FAF1: variants seen among roughly 807,000 people sequenced by gnomAD.
FAF1 encodes FAS-associated factor 1.
A neutral mutation model predicts 92.5 loss-of-function variants in FAF1; 25 were observed. The ratio of observed to expected loss-of-function variants is 0.27; its 90% CI spans 0.20 to 0.38. The LOEUF is 0.38. Ranked by LOEUF, FAF1 falls within the 10% of genes least tolerant of loss-of-function variation. The pLI is 1.00. For synonymous variants in FAF1, 234 were observed against 273.2 expected, an observed-to-expected ratio of 0.86 and a Z score of 1.42; for missense variants, 636 against 793.3, an observed-to-expected ratio of 0.80 and a Z score of 2.38.
chr1:50,875,700 C>T (rs748717478), intron 1 of FAF1, among the ~76,000 whole-genome samples: 1 of 152,148 alleles, frequency 6.6e-6, no homozygotes, highest in Non-Finnish European at 1.5e-5. Flanking sequence ...ATCCACCCCC[C>T]TCGGCCTTCC....
At chr1:50,686,457 A>G (rs998160665) in intron 7 of FAF1, among the ~76,000 whole-genome samples, 1 of 151,912 alleles carries the variant, frequency 6.6e-6, no homozygotes, top group South Asian at 2.1e-4. Flanking sequence ...CAGGAGAATC[A>G]CTTGAACCTG....
intron 1 of FAF1, among the ~76,000 whole-genome samples, chr1:50,868,353 AT>A (rs533718658): frequency 8.3e-4 from 126 of 152,322 alleles, no homozygotes; most frequent in African/African-American, 3.0e-3. Flanking sequence ...AAAATAAAAA[AT>A]GTAAAAAAGA....
intron 15 of FAF1, among the ~76,000 whole-genome samples, chr1:50,518,326 T>C (rs555831268): frequency 5.9e-5 from 9 of 152,368 alleles, no homozygotes; most frequent in Middle Eastern, 3.4e-3. Context: ...AGTATGCTTA[T>C]TCGTTTAACC....
At chr1:50,526,851 C>T (rs1647833787) in intron 15 of FAF1, among the ~76,000 whole-genome samples, 3 of 151,084 alleles carry the variant, frequency 2.0e-5, no homozygotes, top group Admixed American at 2.0e-4. Context: ...TTGTTGTTAC[C>T]TGACGACTTT....
intron 1 of FAF1, among the ~76,000 whole-genome samples, chr1:50,944,813 C>T (rs1645161018): frequency 6.6e-6 from 1 of 152,154 alleles, no homozygotes; most frequent in Non-Finnish European, 1.5e-5. Flanking sequence ...TGGGTTGTTA[C>T]TAGGGGGTAA....
intron 7 of FAF1, among the ~76,000 whole-genome samples, chr1:50,689,791 T>C (rs1328267851): frequency 6.6e-6 from 1 of 152,182 alleles, no homozygotes; most frequent in Non-Finnish European, 1.5e-5. Flanking sequence ...GCAACACAGA[T>C]GAACCTTAAA....
chr1:50,694,022 G>A (rs1657067496), intron 7 of FAF1, among the ~76,000 whole-genome samples: 1 of 151,664 alleles, frequency 6.6e-6, no homozygotes, highest in Non-Finnish European at 1.5e-5. Context: ...TGACATATAT[G>A]ACATATATAT....
At chr1:50,759,873 G>A (rs1660253119) in intron 4 of FAF1, among the ~76,000 whole-genome samples, 2 of 152,110 alleles carry the variant, frequency 1.3e-5, no homozygotes, top group African/African-American at 2.4e-5. Flanking sequence ...AACTCATTGT[G>A]GTTTTGATTT....
At chr1:50,710,608 C>G (rs1557487444) in intron 6 of FAF1, among the ~76,000 whole-genome samples, 1 of 146,954 alleles carries the variant, frequency 6.8e-6, no homozygotes, top group African/African-American at 2.5e-5. Context: ...TTTAAAAACC[C>G]TTTTTTTTTT....
chr1:50,944,317 C>T (rs572325775), intron 1 of FAF1, among the ~76,000 whole-genome samples: 3 of 152,126 alleles, frequency 2.0e-5, no homozygotes, highest in Non-Finnish European at 4.4e-5. Context: ...TTTGGAGGAG[C>T]TGCACCAGAG....
intron 4 of FAF1, among the ~76,000 whole-genome samples, chr1:50,750,698 A>G (rs1659827417): frequency 7.0e-6 from 1 of 143,324 alleles, no homozygotes; most frequent in Non-Finnish European, 1.5e-5. Flanking sequence ...ATCTCGGCCC[A>G]CTGTAACCTC....
At chr1:50,560,821 T>C (rs192394405) in intron 13 of FAF1, among the ~76,000 whole-genome samples, 2 of 152,332 alleles carry the variant, frequency 1.3e-5, no homozygotes, top group Non-Finnish European at 2.9e-5. Flanking sequence ...ACCCACTTAT[T>C]ACTGGTTAAT....
intron 18 of FAF1, among the ~76,000 whole-genome samples, chr1:50,457,638 A>G (rs1229724278): frequency 6.7e-6 from 1 of 149,780 alleles, no homozygotes; most frequent in African/African-American, 2.5e-5. Context: ...CTGTAATCCC[A>G]GCACTTTGGG....
At chr1:50,531,544 C>T (rs1001190902) in intron 15 of FAF1, among the ~76,000 whole-genome samples, 3 of 152,130 alleles carry the variant, frequency 2.0e-5, no homozygotes, top group Non-Finnish European at 4.4e-5. Context: ...TGTTTTCCTC[C>T]TCACCCACTC....
intron 1 of FAF1, among the ~76,000 whole-genome samples, chr1:50,958,624 G>T (rs993551102): frequency 1.3e-5 from 2 of 151,392 alleles, no homozygotes; most frequent in East Asian, 3.9e-4. Flanking sequence ...CTTGCAATGA[G>T]CCGAGATCGC....
At position 50,819,791 on chromosome 1, in the gene FAF1, A is replaced by ATATATACG. The variant is rs1557543757; in HGVS notation, c.115-18115_115-18114insCGTATATA. On this transcript the variant is annotated intron_variant, in intron 2 of 18. Coordinates refer to ENST00000396153, the MANE Select transcript of FAF1 (RefSeq NM_007051.3). ...TATATATATATACATATATATACAT[A>ATATATACG]TATATATATACATATATATATATAT... is the stretch of plus-strand genomic sequence containing the variant. 7.1e-4 allele frequency among the ~76,000 whole-genome samples: 71 copies of ATATATACG among 99,562 alleles called. 2 individuals carry two copies. Among genetic ancestry groups the ATATATACG allele is most frequent in the African/African-American group, 2.5e-3 (66 of 26,822 alleles). The allele number at this position is 99,562 out of a possible 152,430, so 65.3% of individuals were successfully genotyped here. A position where few individuals can be genotyped will look rare whatever the true frequency, so the allele number is the denominator to read the frequency against.
At chr1:50,503,290 TC>T (rs1647014525) in intron 15 of FAF1, among the ~76,000 whole-genome samples, 1 of 152,164 alleles carries the variant, frequency 6.6e-6, no homozygotes, top group African/African-American at 2.4e-5. Context: ...GTTAACTGTA[TC>T]TTATGTAAAT....
chr1:50,705,865 T>C lies in FAF1; in HGVS notation c.578A>G (p.Asn193Ser). ...TCGGTGGGTGATGATCAGCATGAAG[T>C]TTTGATTTAATGACTCCTGCAGGGC... ...AGALQESLNQ[N>S]FMLIITHREV... Residue 193 changes from asparagine to serine, a missense_variant, in exon 7 of 19, where the codon AAC (asparagine) becomes AGC (serine). Physicochemically the swap from Asn to Ser is conservative, Grantham distance 46. Transcript: ENST00000396153. 6.2e-7 allele frequency: 1 copy of C among 1,610,126 alleles called. No homozygotes were observed. Among genetic ancestry groups the C allele is most frequent in the Non-Finnish European group, 8.5e-7 (1 of 1,177,898 alleles).
intron 13 of FAF1, among the ~76,000 whole-genome samples, chr1:50,558,048 G>A (rs944287752): frequency 6.6e-6 from 1 of 151,968 alleles, no homozygotes; most frequent in African/African-American, 2.4e-5. Context: ...ACAGGCATGT[G>A]CCACCATGCC....
Sources: gnomAD v4.1 joint callset for allele counts (sites outside exome capture counted in the v4.1 genomes callset) on GRCh38, gnomAD v4.1.1 for gene constraint, MANE v1.5 for transcripts, NCBI Gene and HGNC (gene_info 2026-07-23, HGNC 2026-07-21) for gene names.